Variants in RALYL observed in about 807,000 individuals in gnomAD.
The protein encoded by RALYL is RALY RNA binding protein like.
RALYL carries 29 observed loss-of-function variants against 35.1 expected under a neutral mutation model. That is an observed-to-expected ratio of 0.83 (90% CI 0.61 to 1.13). The LOEUF is 1.13. Among genes scored for constraint, RALYL ranks in the 50% most tolerant of loss-of-function variants. The pLI is 0.00. For synonymous variants in RALYL, 120 were observed against 127.6 expected, an observed-to-expected ratio of 0.94 and a Z score of 0.40; for missense variants, 359 against 360.4, an observed-to-expected ratio of 1.00 and a Z score of 0.03.
intron 1 of RALYL, among the ~76,000 whole-genome samples, chr8:84,418,714 AAATTTATATTCACTGGGACCTTG>A (rs1481693728): frequency 5.9e-5 from 9 of 152,136 alleles, no homozygotes; most frequent in African/African-American, 1.9e-4. Flanking sequence ...TACGTCATTA[AAATTTATATTCACTGGGACCTTG>A]AACTTAGTCT....
chr8:84,448,265 G>A (rs868302963), intron 1 of RALYL, among the ~76,000 whole-genome samples: 1 of 151,922 alleles, frequency 6.6e-6, no homozygotes, highest in African/African-American at 2.4e-5. Flanking sequence ...TTGTGTGGAG[G>A]TGTACAAGCA....
At chr8:84,279,867 T>A (rs1446566835) in intron 1 of RALYL, among the ~76,000 whole-genome samples, 2 of 152,210 alleles carry the variant, frequency 1.3e-5, no homozygotes, top group East Asian at 3.9e-4. Context: ...CTCATTCTCA[T>A]AAGAATCCTA....
intron 2 of RALYL, among the ~76,000 whole-genome samples, chr8:84,760,862 C>G (rs577781268): frequency 6.6e-6 from 1 of 152,008 alleles, no homozygotes; most frequent in African/African-American, 2.4e-5. Flanking sequence ...AATGGAGCTT[C>G]TATTTATAAT....
Position 84,887,594 on chromosome 8 carries a change from C to A in RALYL, c.686-10C>A, listed in dbSNP as rs773385621. On this transcript the variant is annotated splice_polypyrimidine_tract_variant and intron_variant, in intron 7 of 8. Coordinates refer to ENST00000521268, the MANE Select transcript of RALYL (RefSeq NM_173848.7). ...CAAGGTAGTAGTCATTTGCTTTCTC[C>A]CCCCCCCAGAAGCTCAGAAGAAGCA... 14 of 1,477,864 alleles carry A rather than the reference C, an allele frequency of 9.5e-6. No homozygotes were observed. In the Admixed American group the frequency reaches 2.2e-4, roughly 23 times the overall value. 91.5% of individuals were successfully genotyped at this position (1,477,864 alleles called of 1,614,324 possible).
intron 1 of RALYL, among the ~76,000 whole-genome samples, chr8:84,294,104 T>C (rs976584324): frequency 2.6e-5 from 4 of 152,142 alleles, no homozygotes; most frequent in Non-Finnish European, 5.9e-5. Context: ...ATGATAATTT[T>C]ATAATCCTTT....
chr8:84,754,302 T>C (rs2133261034), intron 2 of RALYL, among the ~76,000 whole-genome samples: 1 of 152,286 alleles, frequency 6.6e-6, no homozygotes, highest in East Asian at 1.9e-4. Context: ...TTGAACAATT[T>C]TTGGCAAGTC....
intron 2 of RALYL, among the ~76,000 whole-genome samples, chr8:84,583,053 G>A (rs1181404504): frequency 1.3e-5 from 2 of 152,014 alleles, no homozygotes; most frequent in African/African-American, 2.4e-5. Flanking sequence ...AACAGAGATC[G>A]ATGATAGTGA....
intron 1 of RALYL, among the ~76,000 whole-genome samples, chr8:84,253,549 T>A (rs1005265523): frequency 2.0e-5 from 3 of 151,998 alleles, no homozygotes; most frequent in African/African-American, 7.2e-5. Flanking sequence ...GGACTTTCCA[T>A]GTCTGTTATT....
At chr8:84,683,874 C>T (rs1054025257) in intron 2 of RALYL, among the ~76,000 whole-genome samples, 111 of 152,138 alleles carry the variant, frequency 7.3e-4, no homozygotes, top group African/African-American at 2.6e-3. Flanking sequence ...TAAGTAGAGA[C>T]CAAGTTTCAC....
intron 1 of RALYL, among the ~76,000 whole-genome samples, chr8:84,208,836 G>T (rs16912524): frequency 0.28 from 43,142 of 151,808 alleles, 6,539 homozygotes; most frequent in African/African-American, 0.39. Flanking sequence ...CAAACAAAGC[G>T]GAAACTTTCC....
intron 1 of RALYL, among the ~76,000 whole-genome samples, chr8:84,277,491 C>G (rs1835643715): frequency 6.6e-6 from 1 of 152,122 alleles, no homozygotes; most frequent in Non-Finnish European, 1.5e-5. Context: ...CATTTCAAAA[C>G]CAATCATGCC....
intron 8 of RALYL, among the ~76,000 whole-genome samples, chr8:84,902,086 C>A (rs1196652536): frequency 3.3e-5 from 5 of 152,120 alleles, no homozygotes; most frequent in Non-Finnish European, 5.9e-5. Context: ...TTAGGCCATC[C>A]TCACATTGCT....
chr8:84,503,595 A>G (rs1362990403), intron 1 of RALYL, among the ~76,000 whole-genome samples: 1 of 152,130 alleles, frequency 6.6e-6, no homozygotes, highest in Non-Finnish European at 1.5e-5. Context: ...TCACACCTGT[A>G]ATCCCAGCAC....
chr8:84,460,494 C>T (rs960225394), intron 1 of RALYL, among the ~76,000 whole-genome samples: 1 of 151,448 alleles, frequency 6.6e-6, no homozygotes, highest in African/African-American at 2.4e-5. Flanking sequence ...AAAAGAAATG[C>T]AAAAACTCTT....
intron 1 of RALYL, among the ~76,000 whole-genome samples, chr8:84,270,302 G>A (rs1834053609): frequency 6.6e-6 from 1 of 152,272 alleles, no homozygotes. Flanking sequence ...TGGTGATGGT[G>A]GAACGCATTA....
chr8:84,344,234 T>C (rs546562247), intron 1 of RALYL, among the ~76,000 whole-genome samples: 17 of 152,212 alleles, frequency 1.1e-4, no homozygotes, highest in African/African-American at 4.1e-4. Context: ...GAAATACTTG[T>C]AAATCTTACA....
At position 84,529,396 on chromosome 8, in the gene RALYL, C is replaced by T. The variant is rs766629532; in HGVS notation, c.75C>T (p.Ile25=). ...AGTCCATCAACTCCCGTGTTTTCATCGGCAATCTAAATACGGCAATTGTCA... is the reference window on the plus strand; with the variant it reads ...AGTCCATCAACTCCCGTGTTTTCATTGGCAATCTAAATACGGCAATTGTCA... ...DPKSINSRVF[I]GNLNTAIVKK... is the part of the protein sequence containing the mutation. Residue 25 remains isoleucine (I), a synonymous_variant, in exon 2 of 9, where the codon ATC becomes ATT. Transcript: ENST00000521268. The T allele has an allele frequency of 1.2e-5, 19 of 1,611,474 alleles. No homozygotes were observed. In the African/African-American group the frequency reaches 1.3e-4, roughly 11 times the overall value.
chr8:84,872,603 A>G (rs946760354), intron 6 of RALYL: 3 of 152,144 alleles, frequency 2.0e-5, no homozygotes, highest in African/African-American at 7.2e-5. Context: ...TTTTCTTTGA[A>G]ACTGTACTAA....
At chr8:84,522,951 C>A (rs1188653248) in intron 1 of RALYL, among the ~76,000 whole-genome samples, 1 of 151,930 alleles carries the variant, frequency 6.6e-6, no homozygotes, top group Non-Finnish European at 1.5e-5. Flanking sequence ...CACAGTTCCA[C>A]ATAAACAGGG....
Sources: allele counts gnomAD v4.1 joint callset (sites outside exome capture counted in the v4.1 genomes callset), GRCh38; gene constraint gnomAD v4.1.1; transcripts MANE v1.5; gene names NCBI Gene and HGNC (gene_info 2026-07-23, HGNC 2026-07-21).